The following ADGRL3 variants were observed in gnomAD, a reference collection of about 807,000 sequenced individuals.
ADGRL3 encodes calcium-independent alpha-latrotoxin receptor 3.
In ADGRL3, 62 loss-of-function variants were observed where a neutral mutation model predicts 153.5. The observed-to-expected ratio is 0.40, with a 90% CI of 0.33 to 0.50. The LOEUF is 0.50. Among genes scored for constraint, ADGRL3 ranks in the 20% least tolerant of loss-of-function variants. The pLI is 0.47. For synonymous variants in ADGRL3, 710 were observed against 672.5 expected, an observed-to-expected ratio of 1.06 and a Z score of -0.86; for missense variants, 1,641 against 1,859.4, an observed-to-expected ratio of 0.88 and a Z score of 2.16.
chr4:61,339,032 G>C (rs1313510737), intron 1 of ADGRL3, among the ~76,000 whole-genome samples: 4 of 152,070 alleles, frequency 2.6e-5, no homozygotes, highest in African/African-American at 7.2e-5. Flanking sequence ...ATAGTGTGGG[G>C]AAGATTTATA....
At chr4:61,475,796 CTA>C (rs1178906952) in intron 2 of ADGRL3, among the ~76,000 whole-genome samples, 2 of 152,104 alleles carry the variant, frequency 1.3e-5, no homozygotes. Flanking sequence ...TTTATAGGCT[CTA>C]TGCATTTAGT....
At chr4:61,720,483 G>T (rs759487149) in intron 6 of ADGRL3, among the ~76,000 whole-genome samples, 3 of 152,146 alleles carry the variant, frequency 2.0e-5, no homozygotes, top group Non-Finnish European at 4.4e-5. Flanking sequence ...TTTATTAAGA[G>T]CAGGCCATAA....
chr4:61,953,034 C>T (rs925798942), intron 17 of ADGRL3, among the ~76,000 whole-genome samples: 1 of 152,122 alleles, frequency 6.6e-6, no homozygotes, highest in African/African-American at 2.4e-5. Context: ...TTTGATCTTA[C>T]AACATGATTT....
chr4:61,451,006 A>G (rs994231343), intron 2 of ADGRL3, among the ~76,000 whole-genome samples: 5 of 152,138 alleles, frequency 3.3e-5, no homozygotes, highest in African/African-American at 1.2e-4. Context: ...GTGTAACCAG[A>G]TGAAAAAAAG....
At chr4:61,455,479 C>T (rs1381067288) in intron 2 of ADGRL3, among the ~76,000 whole-genome samples, 1 of 152,074 alleles carries the variant, frequency 6.6e-6, no homozygotes, top group Non-Finnish European at 1.5e-5. Context: ...GAAGTTTCCT[C>T]AGAATTAGCC....
At chr4:61,754,838 C>A (rs1365204810) in intron 8 of ADGRL3, among the ~76,000 whole-genome samples, 1 of 151,990 alleles carries the variant, frequency 6.6e-6, no homozygotes, top group Non-Finnish European at 1.5e-5. Context: ...TCTCATTGTT[C>A]AATTCCCACC....
chr4:61,368,672 A>T (rs1005954787), intron 1 of ADGRL3, among the ~76,000 whole-genome samples: 28 of 152,042 alleles, frequency 1.8e-4, no homozygotes, highest in African/African-American at 6.8e-4. Flanking sequence ...TGATGCCTCC[A>T]GCTTTGTTCT....
At chr4:61,305,619 C>T (rs1417569909) in intron 1 of ADGRL3, among the ~76,000 whole-genome samples, 3 of 152,020 alleles carry the variant, frequency 2.0e-5, no homozygotes, top group Admixed American at 2.0e-4. Flanking sequence ...AGTAGAGTAT[C>T]TATGTTATTG....
chr4:61,749,375 A>C (rs2096720412), intron 8 of ADGRL3, among the ~76,000 whole-genome samples: 1 of 152,194 alleles, frequency 6.6e-6, no homozygotes, highest in Non-Finnish European at 1.5e-5. Context: ...TACCCAAAGG[A>C]CTATAAATCA....
chr4:61,963,631 A>G (rs1380956256), intron 17 of ADGRL3, among the ~76,000 whole-genome samples: 1 of 152,144 alleles, frequency 6.6e-6, no homozygotes, highest in African/African-American at 2.4e-5. Flanking sequence ...TATAGTGTAT[A>G]TGTACCACAT....
intron 2 of ADGRL3, among the ~76,000 whole-genome samples, chr4:61,491,858 C>T (rs1475305545): frequency 6.6e-6 from 1 of 152,080 alleles, no homozygotes; most frequent in African/African-American, 2.4e-5. Flanking sequence ...ATGGAGAAGG[C>T]TTGTTTTGAT....
chr4:61,746,924 T>A lies in ADGRL3; in HGVS notation c.1399+13370T>A, dbSNP rs562165397. On this transcript the variant is annotated intron_variant, in intron 8 of 26. Coordinates refer to ENST00000683033, the MANE Select transcript of ADGRL3 (RefSeq NM_001387552.1). The stretch of plus-strand genomic sequence containing the variant: ...AAAAATTAATGAATCCAGGAGCTGG[T>A]TTTTTGAAAGGATCAACAAAATTGA... 1.9e-4 allele frequency among the ~76,000 whole-genome samples: 29 copies of A among 152,158 alleles called. No homozygotes were observed. The South Asian group carries it at 3.5e-3, about 19-fold the overall frequency.
intron 4 of ADGRL3, among the ~76,000 whole-genome samples, chr4:61,583,236 C>A (rs1200200420): frequency 6.6e-6 from 1 of 151,982 alleles, no homozygotes; most frequent in African/African-American, 2.4e-5. Context: ...TCCATGGAGA[C>A]CAAGAGGAGT....
chr4:61,605,089 C>CAAAAAAAAAAAAAAAAAAAAAAAA, intron 5 of ADGRL3, among the ~76,000 whole-genome samples: 1 of 61,420 alleles, frequency 1.6e-5, no homozygotes, highest in Non-Finnish European at 2.9e-5. Flanking sequence ...GACTCTGTCT[C>CAAAAAAAAAAAAAAAAAAAAAAAA]AAAAAAAAAA....
At chr4:62,021,632 T>C (rs1006454191) in intron 21 of ADGRL3, among the ~76,000 whole-genome samples, 1 of 152,178 alleles carries the variant, frequency 6.6e-6, no homozygotes, top group Non-Finnish European at 1.5e-5. Flanking sequence ...GTGCCATTTT[T>C]CCAACAGCAT....
chr4:61,513,791 A>G (rs1007671949), intron 3 of ADGRL3, among the ~76,000 whole-genome samples: 1 of 152,202 alleles, frequency 6.6e-6, no homozygotes, highest in Non-Finnish European at 1.5e-5. Context: ...GCAGTTTTTA[A>G]AAGATAAGCA....
chr4:61,629,240 G>T (rs1418695414), intron 5 of ADGRL3, among the ~76,000 whole-genome samples: 4 of 152,114 alleles, frequency 2.6e-5, no homozygotes, highest in Non-Finnish European at 5.9e-5. Flanking sequence ...GATACTATTA[G>T]AAATCAGTAG....
At chr4:61,605,662 G>C (rs1202694332) in intron 5 of ADGRL3, among the ~76,000 whole-genome samples, 1 of 152,156 alleles carries the variant, frequency 6.6e-6, no homozygotes, top group Non-Finnish European at 1.5e-5. Flanking sequence ...AAACCAAAAT[G>C]CTGTTGTTTT....
At chr4:62,053,009 C>T (rs1436029554) in intron 25 of ADGRL3, among the ~76,000 whole-genome samples, 1 of 151,364 alleles carries the variant, frequency 6.6e-6, no homozygotes, top group African/African-American at 2.4e-5. Flanking sequence ...ACAAATAAAA[C>T]TTGAACTGTG....
Sources: gnomAD v4.1 joint callset for allele counts (sites outside exome capture counted in the v4.1 genomes callset) on GRCh38, gnomAD v4.1.1 for gene constraint, MANE v1.5 for transcripts, NCBI Gene and HGNC (gene_info 2026-07-23, HGNC 2026-07-21) for gene names.